The following GPC3 variants were observed in gnomAD, a reference collection of about 807,000 sequenced individuals.
The protein encoded by GPC3 is glypican 3, also known as glypican-3.
In GPC3, 3 loss-of-function variants were observed where a neutral mutation model predicts 34.4. The ratio of observed to expected loss-of-function variants is 0.09; its 90% CI spans 0.04 to 0.23. The LOEUF (loss-of-function observed/expected upper bound fraction) is 0.23. GPC3 is among the 10% of genes least tolerant of loss of function. The pLI is 1.00. For missense variants in GPC3, 351 were observed against 445.6 expected, an observed-to-expected ratio of 0.79 and a Z score of 1.91; for synonymous variants, 177 against 174.0, an observed-to-expected ratio of 1.02 and a Z score of -0.13.
At chrX:133,921,519 T>C (rs2076247606) in intron 2 of GPC3, among the ~76,000 whole-genome samples, 1 of 112,501 alleles carries the variant, frequency 8.9e-6, no homozygotes, top group African/African-American at 3.2e-5. Flanking sequence ...GCTGAGTAAC[T>C]TGACAAAAAG....
Position 133,648,035 on chromosome X carries a change from G to T in GPC3, c.1413+13695C>A, listed in dbSNP as rs940538912. On this transcript the variant is annotated intron_variant, in intron 6 of 7. Coordinates refer to ENST00000370818, the MANE Select transcript of GPC3 (RefSeq NM_004484.4). ...AGAAGCTACTGGTCTACTGTGGGAG[G>T]GCCGCACCCTACTACCTTCTGCGGA... Among the ~76,000 whole-genome samples the T allele has an allele frequency of 2.7e-5, 3 of 111,473 alleles. No homozygotes were observed. The Admixed American group carries it at 2.8e-4, about 11-fold the overall frequency.
At chrX:133,820,637 T>C (rs762097887) in intron 2 of GPC3, among the ~76,000 whole-genome samples, 1 of 111,420 alleles carries the variant, frequency 9.0e-6, no homozygotes, top group South Asian at 3.8e-4. Context: ...AGCAGCCAGT[T>C]GGGCCATAAG....
intron 5 of GPC3, among the ~76,000 whole-genome samples, chrX:133,685,293 A>G (rs2070988224): frequency 9.0e-6 from 1 of 111,607 alleles, no homozygotes; most frequent in African/African-American, 3.3e-5. Flanking sequence ...TTGGGTGTTC[A>G]TGGTTCTCTC....
At chrX:133,633,713 T>C (rs1325711853) in intron 6 of GPC3, among the ~76,000 whole-genome samples, 1 of 111,968 alleles carries the variant, frequency 8.9e-6, no homozygotes, top group Non-Finnish European at 1.9e-5. Context: ...AATGAGATAA[T>C]ACATATGAAA....
chrX:133,797,988 C>A (rs1345215761), intron 2 of GPC3, among the ~76,000 whole-genome samples: 1 of 111,581 alleles, frequency 9.0e-6, no homozygotes, highest in African/African-American at 3.3e-5. Flanking sequence ...TTCCTAAAGT[C>A]TCAAGTTGAT....
At chrX:133,693,185 G>A (rs2071081944) in intron 4 of GPC3, among the ~76,000 whole-genome samples, 1 of 107,919 alleles carries the variant, frequency 9.3e-6, no homozygotes, top group Non-Finnish European at 1.9e-5. Context: ...GTGTGTGTGT[G>A]TGTGTGTGTG....
At chrX:133,604,839 G>T (rs1415493408) in intron 6 of GPC3, among the ~76,000 whole-genome samples, 1 of 111,710 alleles carries the variant, frequency 9.0e-6, no homozygotes, top group African/African-American at 3.3e-5. Context: ...TATACAACCT[G>T]CAAAATGTGC....
chrX:133,709,168 A>C (rs2071244563), intron 3 of GPC3, among the ~76,000 whole-genome samples: 1 of 112,349 alleles, frequency 8.9e-6, no homozygotes, highest in Admixed American at 9.5e-5. Flanking sequence ...ATAAAAGTTC[A>C]TCCAACTTAG....
chrX:133,950,982 T>C (rs1421461686), intron 2 of GPC3, among the ~76,000 whole-genome samples: 1 of 109,794 alleles, frequency 9.1e-6, no homozygotes, highest in Non-Finnish European at 1.9e-5. Context: ...AGCTCAGACA[T>C]AATTTCATTG....
intron 2 of GPC3, among the ~76,000 whole-genome samples, chrX:133,942,439 G>A (rs752716199): frequency 1.8e-5 from 2 of 111,875 alleles, no homozygotes; most frequent in Admixed American, 9.5e-5. Flanking sequence ...AGTAAGTAAA[G>A]GGTAGCCCCT....
chrX:133,675,606 G>T (rs2070876549), intron 5 of GPC3, among the ~76,000 whole-genome samples: 2 of 111,780 alleles, frequency 1.8e-5, no homozygotes, highest in Non-Finnish European at 1.9e-5. Context: ...TGCTCAGTTT[G>T]TGTGATGGAG....
At chrX:133,711,736 G>A (rs2071270131) in intron 3 of GPC3, among the ~76,000 whole-genome samples, 1 of 112,221 alleles carries the variant, frequency 8.9e-6, no homozygotes, top group Non-Finnish European at 1.9e-5. Flanking sequence ...ATGATGTAAA[G>A]TGATATCACT....
intron 5 of GPC3, among the ~76,000 whole-genome samples, chrX:133,687,383 GTTTTTT>G (rs1189478107): frequency 6.0e-5 from 3 of 50,207 alleles, no homozygotes; most frequent in Non-Finnish European, 7.8e-5. Flanking sequence ...AATTATCAGA[GTTTTTT>G]TTTTTTTTTT....
chrX:133,855,294 C>T (rs901227789), intron 2 of GPC3, among the ~76,000 whole-genome samples: 3 of 109,730 alleles, frequency 2.7e-5, no homozygotes, highest in African/African-American at 1.0e-4. Context: ...TCCTGAATAG[C>T]TGGGACTACA....
At chrX:133,598,319 ATTT>A (rs775555818) in intron 6 of GPC3, among the ~76,000 whole-genome samples, 1 of 99,102 alleles carries the variant, frequency 1.0e-5, no homozygotes. Context: ...TCCCCAGCTA[ATTT>A]TTTTTTTTTT....
chrX:133,785,613 G>T (rs2072093798), intron 2 of GPC3, among the ~76,000 whole-genome samples: 1 of 111,878 alleles, frequency 8.9e-6, no homozygotes, highest in Non-Finnish European at 1.9e-5. Flanking sequence ...TGTGTGCCAG[G>T]TACTGGTTTT....
At position 133,536,108 on chromosome X, in the gene GPC3, G is replaced by C. The variant is rs1255525249; in HGVS notation, c.*16C>G. On this transcript the variant is annotated 3_prime_UTR_variant, in exon 8 of 8. Coordinates refer to ENST00000370818, the MANE Select transcript of GPC3 (RefSeq NM_004484.4). ...CAGGGTGCTGTAGGGCAGCACATGT[G>C]CTGGGCACCAGGCAGTCAGTGCACC... The C allele has an allele frequency of 2.5e-6, 3 of 1,181,271 alleles. No homozygotes were observed. Among genetic ancestry groups the C allele is most frequent in the Non-Finnish European group, 3.5e-6 (3 of 869,368 alleles).
At chrX:133,833,053 G>A (rs1223822734) in intron 2 of GPC3, among the ~76,000 whole-genome samples, 1 of 112,209 alleles carries the variant, frequency 8.9e-6, no homozygotes, top group African/African-American at 3.2e-5. Context: ...TTAATTGGGT[G>A]GTGCCGTTTA....
chrX:133,912,963 AGAATTGCTT>A (rs1286070565), intron 2 of GPC3, among the ~76,000 whole-genome samples: 2 of 108,378 alleles, frequency 1.8e-5, no homozygotes, highest in Non-Finnish European at 3.8e-5. Context: ...CTGAGGCAGG[AGAATTGCTT>A]GAACCCGGGA....
Sources: gnomAD v4.1 joint callset for allele counts (sites outside exome capture counted in the v4.1 genomes callset) on GRCh38, gnomAD v4.1.1 for gene constraint, MANE v1.5 for transcripts, NCBI Gene and HGNC (gene_info 2026-07-23, HGNC 2026-07-21) for gene names.